FRMD3: variants seen among roughly 807,000 people sequenced by gnomAD.
The protein encoded by FRMD3 is FERM domain-containing protein 3.
In FRMD3, 33 loss-of-function variants were observed where a neutral mutation model predicts 70.2. That is an observed-to-expected ratio of 0.47 (90% CI 0.36 to 0.63). The LOEUF (loss-of-function observed/expected upper bound fraction) is 0.63, where lower values mean the gene tolerates loss of function less well. FRMD3 is among the 20% of genes least tolerant of loss of function. The pLI, the probability that FRMD3 is intolerant of heterozygous loss-of-function variation, is 0.00. For missense variants in FRMD3, 632 were observed against 711.4 expected (o/e 0.89, Z 1.27); for synonymous variants, 279 against 255.9 (o/e 1.09, Z -0.86).
At chr9:83,464,768 C>G (rs570881566) in intron 1 of FRMD3, among the ~76,000 whole-genome samples, 63 of 152,144 alleles carry the variant, frequency 4.1e-4, no homozygotes, top group Non-Finnish European at 8.1e-4. Flanking sequence ...CATGTAATCC[C>G]AGCACTTTGG....
chr9:83,423,596 T>TTTTC (rs1209623837), intron 1 of FRMD3, among the ~76,000 whole-genome samples: 10 of 133,546 alleles, frequency 7.5e-5, no homozygotes, highest in African/African-American at 2.9e-4. Flanking sequence ...TTTTTTTTTT[T>TTTTC]TTTTTTTTTT....
the FRMD3 span, among the ~76,000 whole-genome samples, chr9:83,550,848 G>A: frequency 6.6e-6 from 1 of 152,058 alleles, no homozygotes; most frequent in Admixed American, 6.6e-5. Flanking sequence ...TTTTGCTGAA[G>A]TTGTTTGTCA....
intron 13 of FRMD3, chr9:83,275,995 T>C (rs963781689): frequency 2.0e-5 from 3 of 152,252 alleles, no homozygotes; most frequent in Non-Finnish European, 4.4e-5. Flanking sequence ...GGCACAATTA[T>C]TGGCTAATTA....
At chr9:83,260,109 A>G (rs1227118469) in intron 13 of FRMD3, among the ~76,000 whole-genome samples, 7 of 152,180 alleles carry the variant, frequency 4.6e-5, no homozygotes, top group Non-Finnish European at 7.4e-5. Context: ...CTGTGGCTCC[A>G]TCTTAGACTA....
chr9:83,314,226 G>A (rs761640044), intron 6 of FRMD3, among the ~76,000 whole-genome samples: 1 of 152,090 alleles, frequency 6.6e-6, no homozygotes, highest in Non-Finnish European at 1.5e-5. Flanking sequence ...AGAGAGCCCT[G>A]GACTTCAAAA....
At chr9:83,253,111 A>G (rs1410476011) in intron 13 of FRMD3, among the ~76,000 whole-genome samples, 1 of 152,240 alleles carries the variant, frequency 6.6e-6, no homozygotes, top group East Asian at 1.9e-4. Flanking sequence ...AAAATTGATC[A>G]CATAATTGGA....
At chr9:83,253,904 G>A (rs935102734) in intron 13 of FRMD3, among the ~76,000 whole-genome samples, 28 of 152,198 alleles carry the variant, frequency 1.8e-4, no homozygotes, top group African/African-American at 6.7e-4. Context: ...AGAAAATGTG[G>A]CACATATACA....
chr9:83,544,802 C>T, the FRMD3 span, among the ~76,000 whole-genome samples: 1 of 152,142 alleles, frequency 6.6e-6, no homozygotes, highest in East Asian at 1.9e-4. Flanking sequence ...AGAGCCTTGG[C>T]CCCCTGAAAG....
chr9:83,480,392 C>A (rs1486644413), intron 1 of FRMD3, among the ~76,000 whole-genome samples: 6 of 150,634 alleles, frequency 4.0e-5, no homozygotes, highest in South Asian at 2.1e-4. Context: ...TTCTGGAAAG[C>A]AAAAAATAAC....
At chr9:83,568,082 G>A in the FRMD3 span, among the ~76,000 whole-genome samples, 3 of 152,210 alleles carry the variant, frequency 2.0e-5, no homozygotes, top group Admixed American at 6.5e-5. Flanking sequence ...CACATGGCTA[G>A]GGAGGCCTCA....
At chr9:83,268,999 C>T (rs1199112451) in intron 13 of FRMD3, among the ~76,000 whole-genome samples, 3 of 152,344 alleles carry the variant, frequency 2.0e-5, no homozygotes, top group African/African-American at 7.2e-5. Flanking sequence ...GGACTAGTAC[C>T]TACTACACCT....
intron 1 of FRMD3, among the ~76,000 whole-genome samples, chr9:83,391,503 G>A (rs1189075784): frequency 6.6e-6 from 1 of 152,204 alleles, no homozygotes; most frequent in East Asian, 1.9e-4. Flanking sequence ...CCATATTCCA[G>A]ATATGTGGGT....
intron 3 of FRMD3, among the ~76,000 whole-genome samples, chr9:83,368,909 C>T (rs948129215): frequency 6.6e-6 from 1 of 151,992 alleles, no homozygotes; most frequent in African/African-American, 2.4e-5. Flanking sequence ...GGCTGGAGTG[C>T]AGTGGCACCA....
intron 3 of FRMD3, among the ~76,000 whole-genome samples, chr9:83,366,262 G>T (rs1421398852): frequency 1.3e-5 from 2 of 152,098 alleles, no homozygotes; most frequent in Admixed American, 1.3e-4. Context: ...TTCTGAAAGT[G>T]ATCAAATTCA....
intron 3 of FRMD3, among the ~76,000 whole-genome samples, chr9:83,366,070 A>C: frequency 6.6e-6 from 1 of 152,180 alleles, no homozygotes; most frequent in East Asian, 1.9e-4. Context: ...GGAAGACTCA[A>C]GGAATGTACA....
At chr9:83,411,367 C>CTAT (rs1826273278) in intron 1 of FRMD3, among the ~76,000 whole-genome samples, 1 of 152,164 alleles carries the variant, frequency 6.6e-6, no homozygotes, top group South Asian at 2.1e-4. Context: ...TGTGGAGAGA[C>CTAT]AATAGCTAGA....
chr9:83,462,229 C>T (rs538795011), intron 1 of FRMD3, among the ~76,000 whole-genome samples: 165 of 152,282 alleles, frequency 1.1e-3, no homozygotes, highest in African/African-American at 3.8e-3. Flanking sequence ...CCATATAAAT[C>T]TGGCTCTGGT....
chr9:83,243,880 C>A (rs183705225), downstream of FRMD3, among the ~76,000 whole-genome samples: 562 of 152,070 alleles, frequency 3.7e-3, 1 homozygote, highest in Non-Finnish European at 5.6e-3. Flanking sequence ...AAGCAGAAGA[C>A]CTGTCAAGGC....
At chr9:83,399,603 G>C (rs573815769) in intron 1 of FRMD3, among the ~76,000 whole-genome samples, 1 of 152,138 alleles carries the variant, frequency 6.6e-6, no homozygotes, top group African/African-American at 2.4e-5. Flanking sequence ...TTTTAACAAA[G>C]TGAGTTTTTT....
Sources: allele counts gnomAD v4.1 joint callset (sites outside exome capture counted in the v4.1 genomes callset), GRCh38; gene constraint gnomAD v4.1.1; transcripts MANE v1.5; gene names NCBI Gene and HGNC (gene_info 2026-07-23, HGNC 2026-07-21).